WDR7: variants seen among roughly 807,000 people sequenced by gnomAD.
WDR7 encodes the protein WD repeat domain 7.
Under a neutral mutation model 169.4 loss-of-function variants are expected in WDR7, and 46 were observed. The observed-to-expected ratio is 0.27, with a 90% confidence interval of 0.21 to 0.35. The LOEUF is 0.35. Among genes scored for constraint, WDR7 ranks in the 10% least tolerant of loss-of-function variants. WDR7 has a pLI of 1.00. For synonymous variants in WDR7, 612 were observed against 666.8 expected (o/e 0.92, Z 1.27); for missense variants, 1,534 against 1,859.3 (o/e 0.83, Z 3.22).
intron 20 of WDR7, among the ~76,000 whole-genome samples, chr18:56,846,608 G>A (rs936742161): frequency 1.3e-5 from 2 of 152,228 alleles, no homozygotes; most frequent in African/African-American, 4.8e-5. Flanking sequence ...GCATGAAAAC[G>A]GACTAATACA....
At chr18:56,963,173 G>A (rs999824784) in intron 26 of WDR7, among the ~76,000 whole-genome samples, 2 of 152,066 alleles carry the variant, frequency 1.3e-5, no homozygotes, top group African/African-American at 4.8e-5. Context: ...AGATGTAAAG[G>A]AATTGAAACA....
At chr18:56,944,571 A>C (rs1026655657) in intron 25 of WDR7, among the ~76,000 whole-genome samples, 9 of 152,184 alleles carry the variant, frequency 5.9e-5, no homozygotes, top group Non-Finnish European at 1.2e-4. Flanking sequence ...TTTGAGCTAT[A>C]AACTGTGAAT....
At chr18:56,901,861 G>T (rs538072068) in intron 21 of WDR7, among the ~76,000 whole-genome samples, 14 of 152,164 alleles carry the variant, frequency 9.2e-5, no homozygotes, top group African/African-American at 3.4e-4. Flanking sequence ...AGCTGCGGTT[G>T]TCAGTTCACT....
chr18:56,663,632 T>TATACA (rs2024954708), intron 1 of WDR7, among the ~76,000 whole-genome samples: 1 of 151,586 alleles, frequency 6.6e-6, no homozygotes, highest in African/African-American at 2.4e-5. Context: ...ACCACATATA[T>TATACA]GCACAGCATA....
chr18:56,676,488 G>A (rs2025246878), intron 2 of WDR7, among the ~76,000 whole-genome samples: 1 of 152,020 alleles, frequency 6.6e-6, no homozygotes, highest in Admixed American at 6.6e-5. Flanking sequence ...TTTCAGTGAT[G>A]GTGATTTACT....
At chr18:56,703,742 A>G (rs1432832039) in intron 12 of WDR7, among the ~76,000 whole-genome samples, 1 of 152,026 alleles carries the variant, frequency 6.6e-6, no homozygotes, top group Non-Finnish European at 1.5e-5. Flanking sequence ...TATTCCTACA[A>G]CATCATTTTA....
At chr18:56,972,663 G>C (rs2145805835) in intron 26 of WDR7, among the ~76,000 whole-genome samples, 1 of 152,258 alleles carries the variant, frequency 6.6e-6, no homozygotes, top group South Asian at 2.1e-4. Context: ...AGTTTTAAAA[G>C]TGAAATGCTA....
At chr18:57,020,653 C>T (rs1413469183) in intron 26 of WDR7, 92 bp from the exon 27 acceptor site, 29 of 1,139,700 alleles carry the variant, frequency 2.5e-5, no homozygotes, top group African/African-American at 9.3e-5. Flanking sequence ...ATACCCATGA[C>T]GTAACTTGTT....
chr18:56,971,235 C>T (rs1482329969), intron 26 of WDR7, among the ~76,000 whole-genome samples: 1 of 150,150 alleles, frequency 6.7e-6, no homozygotes, highest in African/African-American at 2.5e-5. Context: ...GCCGAGATCG[C>T]ACCACTGCAC....
intron 7 of WDR7, among the ~76,000 whole-genome samples, chr18:56,688,761 T>G (rs1434706447): frequency 6.6e-6 from 1 of 151,362 alleles, no homozygotes; most frequent in Non-Finnish European, 1.5e-5. Context: ...GAGGATACAG[T>G]GAAAAATGTG....
chr18:56,903,567 G>C (rs1296656080), intron 21 of WDR7, among the ~76,000 whole-genome samples: 3 of 151,538 alleles, frequency 2.0e-5, no homozygotes, highest in African/African-American at 7.3e-5. Context: ...TTACAGGCAT[G>C]TGCCACCATG....
Position 56,879,993 on chromosome 18 carries a change from G to A in WDR7, c.3354G>A (p.Glu1118=), listed in dbSNP as rs762963505. 2.8e-5 allele frequency: 45 copies of A among 1,613,922 alleles called. No homozygotes were observed. Among genetic ancestry groups the A allele is most frequent in the Non-Finnish European group, 3.5e-5 (41 of 1,179,976 alleles). ...TGAAAAAAATTTCTACATCTTACGA[G>A]GAAAGACGGAAGCAAGCTACCGCTA... ...PQMKKISTSY[E]ERRKQATAIV... is the part of the protein sequence containing the mutation. The change falls in exon 21 of 28, where the codon GAG becomes GAA. Residue 1118 remains glutamate (E), a synonymous_variant. Coordinates refer to ENST00000254442, the MANE Select transcript of WDR7 (RefSeq NM_015285.3).
chr18:56,975,833 G>T (rs769255699), intron 26 of WDR7, among the ~76,000 whole-genome samples: 1 of 152,186 alleles, frequency 6.6e-6, no homozygotes, highest in Non-Finnish European at 1.5e-5. Flanking sequence ...CCAGGTGAAA[G>T]GGTGGACCTA....
At chr18:56,709,665 A>G (rs2144704004) in intron 12 of WDR7, among the ~76,000 whole-genome samples, 2 of 152,342 alleles carry the variant, frequency 1.3e-5, no homozygotes, top group Admixed American at 6.5e-5. Context: ...TCACAGGCTG[A>G]ACTGATAAAT....
At chr18:56,733,239 A>G (rs1232287467) in intron 14 of WDR7, among the ~76,000 whole-genome samples, 1 of 152,168 alleles carries the variant, frequency 6.6e-6, no homozygotes, top group Non-Finnish European at 1.5e-5. Context: ...AGGGAGGAAA[A>G]AGGCTTAGGA....
chr18:56,736,314 A>G (rs1203306386), intron 14 of WDR7, among the ~76,000 whole-genome samples: 1 of 152,144 alleles, frequency 6.6e-6, no homozygotes, highest in Non-Finnish European at 1.5e-5. Flanking sequence ...AAATGAATGA[A>G]TTATACTTAG....
chr18:56,867,386 C>G (rs2045897705), intron 20 of WDR7, among the ~76,000 whole-genome samples: 1 of 152,024 alleles, frequency 6.6e-6, no homozygotes, highest in Non-Finnish European at 1.5e-5. Context: ...TAATAGCCAT[C>G]TTGAGGATGT....
At chr18:56,659,000 G>A (rs1296718254) in intron 1 of WDR7, among the ~76,000 whole-genome samples, 1 of 152,172 alleles carries the variant, frequency 6.6e-6, no homozygotes. Context: ...ATAGGCTTGA[G>A]CCACCGCGCC....
chr18:56,682,694 G>T lies in WDR7; in HGVS notation c.361G>T (p.Val121Phe), dbSNP rs754539857. ...HTGIQFYQFSVGNQREGRLLC... is the reference protein window; with the variant it reads ...HTGIQFYQFSFGNQREGRLLC... ...ATGAATGTAGTTCTACCAGTTCTCT[G>T]TTGGGAATCAGCGAGAAGGAAGGCT... Residue 121 changes from valine (V) to phenylalanine (F), a missense_variant, in exon 5 of 28, where the codon GTT becomes TTT. Coordinates refer to ENST00000254442, the MANE Select transcript of WDR7 (RefSeq NM_015285.3). 208 of 1,613,282 alleles carry T rather than the reference G, an allele frequency of 1.3e-4. 1 individual carries two copies. The South Asian group carries it at 2.2e-3, about 17-fold the overall frequency.
Sources: allele counts gnomAD v4.1 joint callset (sites outside exome capture counted in the v4.1 genomes callset), GRCh38; gene constraint gnomAD v4.1.1; transcripts MANE v1.5; gene names NCBI Gene and HGNC (gene_info 2026-07-23, HGNC 2026-07-21).